The following SNX3 variants were observed in gnomAD, a reference collection of about 807,000 sequenced individuals.
SNX3 encodes the protein sorting nexin 3.
Under a neutral mutation model 17.7 loss-of-function variants are expected in SNX3, and 5 were observed. That is an observed-to-expected ratio of 0.28 (90% CI 0.15 to 0.59). SNX3 has a LOEUF of 0.59. SNX3 is among the 20% of genes least tolerant of loss of function. The pLI, the probability that SNX3 is intolerant of heterozygous loss-of-function variation, is 0.88. For missense variants in SNX3, 132 were observed against 206.8 expected, an observed-to-expected ratio of 0.64 and a Z score of 2.22; for synonymous variants, 91 against 76.5, an observed-to-expected ratio of 1.19 and a Z score of -0.99.
intron 1 of SNX3, among the ~76,000 whole-genome samples, chr6:108,227,145 G>C (rs1250321637): frequency 6.6e-6 from 1 of 152,128 alleles, no homozygotes; most frequent in Non-Finnish European, 1.5e-5. Flanking sequence ...TTTTAACCAA[G>C]TTCACCCTTC....
intron 1 of SNX3, among the ~76,000 whole-genome samples, chr6:108,253,393 C>CTTTTT (rs369223904): frequency 1.6e-5 from 2 of 123,468 alleles, no homozygotes; most frequent in African/African-American, 3.0e-5. Context: ...ATACATATGT[C>CTTTTT]TTTTTTTTTT....
At position 108,214,484 on chromosome 6, in the gene SNX3, T is replaced by C. The variant is rs376791198; in HGVS notation, c.383+14A>G. On this transcript the variant is annotated intron_variant, in intron 3 of 3. Transcript: ENST00000230085. The stretch of plus-strand genomic sequence containing the variant: ...TAAAGTAGTCCTACACTTTGAGGAA[T>C]AGGAAGCACTTACTTGTTTATAAAC... The C allele has an allele frequency of 1.7e-4, 266 of 1,612,022 alleles. No individual in the cohort carries two copies. The highest frequency in any genetic ancestry group is 2.1e-4 in the Non-Finnish European group (243 of 1,179,376).
At chr6:108,212,344 ATTTT>A in intron 3 of SNX3, 90 bp from the exon 4 acceptor site, 2 of 713,406 alleles carry the variant, frequency 2.8e-6, no homozygotes, top group Non-Finnish European at 4.3e-6. Context: ...AGCATGTATA[ATTTT>A]TTTTTTTTTG....
At chr6:108,240,880 C>T (rs1056668170) in intron 1 of SNX3, among the ~76,000 whole-genome samples, 2 of 152,028 alleles carry the variant, frequency 1.3e-5, no homozygotes, top group Admixed American at 6.6e-5. Context: ...CAGTGGCTCA[C>T]GCCTATAATC....
rs189135331 is a variant in SNX3 at position 108,223,545 on chromosome 6, G to A, written c.163-500C>T. Among the ~76,000 whole-genome samples, 81 of 121,510 alleles carry A rather than the reference G, an allele frequency of 6.7e-4. No homozygotes were observed. In the East Asian group the frequency reaches 0.014, roughly 21 times the overall value. The allele number at this position is 121,510 out of a possible 152,430, so 79.7% of individuals were successfully genotyped here. A position where few individuals can be genotyped will look rare whatever the true frequency, so the allele number is the denominator to read the frequency against. ...TTTTTTGAGACAGAATCTCACTGTC[G>A]CCCAGGCAGTGATGTGATCTTGGCT... On this transcript the variant is annotated intron_variant, in intron 1 of 3. Transcript: ENST00000230085.
At chr6:108,250,531 A>C (rs772348803) in intron 1 of SNX3, among the ~76,000 whole-genome samples, 2 of 152,198 alleles carry the variant, frequency 1.3e-5, no homozygotes, top group Non-Finnish European at 2.9e-5. Context: ...CTTTGGGTGT[A>C]AATTTAAGAC....
chr6:108,241,178 GCT>G (rs945622100), intron 1 of SNX3, among the ~76,000 whole-genome samples: 13 of 147,320 alleles, frequency 8.8e-5, no homozygotes, highest in East Asian at 2.0e-4. Context: ...AAGTATGTGT[GCT>G]TACACAAAGC....
At chr6:108,226,250 C>A (rs1435860546) in intron 1 of SNX3, among the ~76,000 whole-genome samples, 1 of 151,998 alleles carries the variant, frequency 6.6e-6, no homozygotes, top group East Asian at 1.9e-4. Flanking sequence ...AATTTTTGTA[C>A]TTTTGGTGAG....
At chr6:108,229,563 G>A (rs1775076638) in intron 1 of SNX3, among the ~76,000 whole-genome samples, 2 of 152,080 alleles carry the variant, frequency 1.3e-5, no homozygotes, top group African/African-American at 4.8e-5. Context: ...GTGAGCCACT[G>A]CGTACGGCCA....
At chr6:108,253,773 G>C (rs1405972974) in intron 1 of SNX3, among the ~76,000 whole-genome samples, 1 of 152,056 alleles carries the variant, frequency 6.6e-6, no homozygotes, top group Non-Finnish European at 1.5e-5. Context: ...CAGATAGCAT[G>C]ATAAGCAGCA....
chr6:108,216,859 C>T (rs891353487), intron 2 of SNX3, among the ~76,000 whole-genome samples: 2 of 152,286 alleles, frequency 1.3e-5, no homozygotes, highest in Admixed American at 1.3e-4. Flanking sequence ...GATTTACTCT[C>T]CTCAGATGAC....
intron 1 of SNX3, among the ~76,000 whole-genome samples, chr6:108,255,125 TA>T (rs1775991469): frequency 6.6e-6 from 1 of 152,212 alleles, no homozygotes; most frequent in Non-Finnish European, 1.5e-5. Flanking sequence ...AGGACTACTT[TA>T]AAATAGCCAC....
At chr6:108,243,716 T>A (rs1435250905) in intron 1 of SNX3, among the ~76,000 whole-genome samples, 1 of 152,132 alleles carries the variant, frequency 6.6e-6, no homozygotes, top group African/African-American at 2.4e-5. Context: ...GTGGATCACC[T>A]GAGGTCGAGA....
chr6:108,236,648 A>G (rs182223662), intron 1 of SNX3, among the ~76,000 whole-genome samples: 7,844 of 152,004 alleles, frequency 0.052, 286 homozygotes, highest in South Asian at 0.19. Flanking sequence ...TCGGCCTCCC[A>G]AAGTGCTGGG....
chr6:108,221,221 A>G (rs914332044), intron 2 of SNX3, among the ~76,000 whole-genome samples: 1 of 151,734 alleles, frequency 6.6e-6, no homozygotes, highest in African/African-American at 2.4e-5. Context: ...CTTGTGCTCT[A>G]TATGAGAGTG....
intron 1 of SNX3, among the ~76,000 whole-genome samples, chr6:108,234,741 C>A (rs1775273502): frequency 6.6e-6 from 1 of 151,980 alleles, no homozygotes; most frequent in Non-Finnish European, 1.5e-5. Context: ...TTTCTCATAT[C>A]ATTAACATGA....
intron 2 of SNX3, chr6:108,222,411 T>C: frequency 8.2e-7 from 1 of 1,220,208 alleles, no homozygotes; most frequent in Non-Finnish European, 1.1e-6. Context: ...ATCAGGCATG[T>C]AACAGTGTTT....
chr6:108,230,183 T>G (rs916997962), intron 1 of SNX3, among the ~76,000 whole-genome samples: 12 of 152,052 alleles, frequency 7.9e-5, no homozygotes, highest in African/African-American at 2.7e-4. Context: ...AAATCAGGCT[T>G]AAATATTGTT....
intron 1 of SNX3, among the ~76,000 whole-genome samples, chr6:108,224,201 T>C (rs1380572404): frequency 2.0e-5 from 3 of 152,172 alleles, no homozygotes. Context: ...ACTCCTAGGC[T>C]CCAGCAATCC....
Sources: gnomAD v4.1 joint callset for allele counts (sites outside exome capture counted in the v4.1 genomes callset) on GRCh38, gnomAD v4.1.1 for gene constraint, MANE v1.5 for transcripts, NCBI Gene and HGNC (gene_info 2026-07-23, HGNC 2026-07-21) for gene names.